The following GLYR1 variants were observed in gnomAD, a reference collection of about 807,000 sequenced individuals.
GLYR1 encodes cytokine-like nuclear factor N-PAC.
In GLYR1, 21 loss-of-function variants were observed where a neutral mutation model predicts 72.7. The observed-to-expected ratio is 0.29, with a 90% CI of 0.20 to 0.42. GLYR1 has a LOEUF of 0.42. GLYR1 is among the 10% of genes least tolerant of loss of function. The pLI, the probability that GLYR1 is intolerant of heterozygous loss-of-function variation, is 1.00. For synonymous variants in GLYR1, 392 were observed against 270.2 expected, an observed-to-expected ratio of 1.45 and a Z score of -4.42; for missense variants, 594 against 712.1, an observed-to-expected ratio of 0.83 and a Z score of 1.89.
At chr16:4,827,837 T>C (rs1452496031) in intron 5 of GLYR1, among the ~76,000 whole-genome samples, 1 of 151,594 alleles carries the variant, frequency 6.6e-6, no homozygotes, top group Non-Finnish European at 1.5e-5. Flanking sequence ...GAGGCGGAGC[T>C]TGCAGTGAGC....
intron 9 of GLYR1, among the ~76,000 whole-genome samples, chr16:4,819,918 T>C (rs2083904382): frequency 6.6e-6 from 1 of 152,320 alleles, no homozygotes; most frequent in African/African-American, 2.4e-5. Flanking sequence ...TAGTACAATA[T>C]TCCCCCATGA....
At chr16:4,828,114 G>T (rs1036444089) in intron 5 of GLYR1, among the ~76,000 whole-genome samples, 1 of 151,542 alleles carries the variant, frequency 6.6e-6, no homozygotes, top group Non-Finnish European at 1.5e-5. Context: ...CTGTCACCCA[G>T]GCTGGGGTGC....
intron 9 of GLYR1, chr16:4,821,077 A>G (rs893723430): frequency 1.7e-5 from 8 of 475,900 alleles, no homozygotes; most frequent in Non-Finnish European, 3.0e-5. Flanking sequence ...TTGACTGAGA[A>G]GCCACCTTCC....
intron 5 of GLYR1, among the ~76,000 whole-genome samples, chr16:4,831,281 T>A (rs1332699404): frequency 6.6e-6 from 1 of 152,174 alleles, no homozygotes; most frequent in African/African-American, 2.4e-5. Flanking sequence ...GCTCTGAGAC[T>A]TTCCCCTCTG....
chr16:4,834,236 T>C (rs921735733), intron 3 of GLYR1, among the ~76,000 whole-genome samples: 2 of 150,964 alleles, frequency 1.3e-5, no homozygotes, highest in African/African-American at 4.9e-5. Context: ...AGATGATGAA[T>C]GGAGATACAG....
At chr16:4,835,168 C>G (rs959871401) in intron 3 of GLYR1, among the ~76,000 whole-genome samples, 1 of 152,148 alleles carries the variant, frequency 6.6e-6, no homozygotes, top group African/African-American at 2.4e-5. Flanking sequence ...CCGAGACTTG[C>G]TAATCCCACC....
At chr16:4,814,504 C>A (rs199735026) in intron 11 of GLYR1, 33 bp downstream of exon 11, 3 of 1,531,368 alleles carry the variant, frequency 2.0e-6, no homozygotes, top group Admixed American at 1.7e-5. Context: ...GGCTGTGACC[C>A]GGAGTTGCTG....
intron 9 of GLYR1, among the ~76,000 whole-genome samples, chr16:4,819,653 G>T (rs997797719): frequency 6.6e-6 from 1 of 152,120 alleles, no homozygotes; most frequent in East Asian, 1.9e-4. Flanking sequence ...GATGTCCCCG[G>T]CAGCTCCTCC....
chr16:4,827,495 G>C (rs150830795), intron 5 of GLYR1, among the ~76,000 whole-genome samples: 8 of 152,178 alleles, frequency 5.3e-5, no homozygotes, highest in African/African-American at 1.9e-4. Flanking sequence ...AGGACACCTC[G>C]AAGGGTCAAT....
At chr16:4,829,640 C>T (rs999697114) in intron 5 of GLYR1, among the ~76,000 whole-genome samples, 6 of 151,554 alleles carry the variant, frequency 4.0e-5, no homozygotes, top group African/African-American at 1.5e-4. Flanking sequence ...GCACACACCA[C>T]CAACCCCAGC....
chr16:4,812,586 G>A (rs529274797), intron 12 of GLYR1, among the ~76,000 whole-genome samples: 7 of 151,836 alleles, frequency 4.6e-5, no homozygotes, highest in East Asian at 1.9e-4. Context: ...TCCGCCTCGC[G>A]GGTTCATGCC....
intron 3 of GLYR1, chr16:4,839,474 C>G (rs2085388397): frequency 6.6e-6 from 1 of 152,160 alleles, no homozygotes; most frequent in African/African-American, 2.4e-5. Flanking sequence ...GAGAGGGACC[C>G]TCGTGCACTT....
intron 15 of GLYR1, 26 bp from the exon 16 acceptor site, chr16:4,805,336 C>T (rs1402251382): frequency 6.2e-7 from 1 of 1,603,598 alleles, no homozygotes. Context: ...ATGGCTCAGT[C>T]TCTGGCCCCA....
chr16:4,835,573 G>A (rs1410120738), intron 3 of GLYR1, among the ~76,000 whole-genome samples: 2 of 152,196 alleles, frequency 1.3e-5, no homozygotes, highest in Non-Finnish European at 2.9e-5. Flanking sequence ...GCTCACACCT[G>A]TAATCCTAGC....
chr16:4,821,066 A>G (rs745575558), intron 9 of GLYR1: 10 of 453,748 alleles, frequency 2.2e-5, no homozygotes, highest in Non-Finnish European at 1.2e-5. Context: ...ACCCGGACAT[A>G]TTGACTGAGA....
intron 2 of GLYR1, 40 bp downstream of exon 2, chr16:4,846,134 C>T (rs754497969): frequency 1.2e-6 from 2 of 1,611,062 alleles, no homozygotes; most frequent in Non-Finnish European, 1.7e-6. Context: ...CCTCTTCAAA[C>T]CCAACTTCAG....
At chr16:4,823,674 A>G (rs2084187944) in intron 6 of GLYR1, 147 bp downstream of exon 6, 2 of 725,262 alleles carry the variant, frequency 2.8e-6, no homozygotes, top group Middle Eastern at 2.6e-4. Context: ...GAAATTTTTA[A>G]TTTTTTATTT....
chr16:4,821,698 T>C, intron 7 of GLYR1, 101 bp from the exon 8 acceptor site: 2 of 1,081,732 alleles, frequency 1.8e-6, no homozygotes, highest in East Asian at 2.4e-5. Flanking sequence ...GAAGTTAACA[T>C]CAACTATTTG....
intron 11 of GLYR1, 120 bp from the exon 12 acceptor site, chr16:4,813,958 G>A (rs900289321): frequency 1.5e-6 from 1 of 670,254 alleles, no homozygotes; most frequent in Non-Finnish European, 2.4e-6. Flanking sequence ...TCTATCAGCT[G>A]AAAAGGGAAG....
Sources: allele counts gnomAD v4.1 joint callset (sites outside exome capture counted in the v4.1 genomes callset), GRCh38; gene constraint gnomAD v4.1.1; transcripts MANE v1.5; gene names NCBI Gene and HGNC (gene_info 2026-07-23, HGNC 2026-07-21).